The following TRIP6 variants were observed in gnomAD, a reference collection of about 807,000 sequenced individuals.
TRIP6 encodes the protein thyroid receptor-interacting protein 6.
A neutral mutation model predicts 51.9 loss-of-function variants in TRIP6; 33 were observed. That is an observed-to-expected ratio of 0.64 (90% CI 0.48 to 0.85). The LOEUF (loss-of-function observed/expected upper bound fraction) is 0.85, where lower values mean the gene tolerates loss of function less well. TRIP6 is among the 40% of genes least tolerant of loss of function. The probability of loss-of-function intolerance (pLI) is 0.00; values close to 1 mark genes in which losing one functional copy is unlikely to be tolerated. For synonymous variants in TRIP6, 255 were observed against 275.8 expected (o/e 0.92, Z 0.75); for missense variants, 661 against 652.1 (o/e 1.01, Z -0.15).
chr7:100,872,569 T>C, intron 7 of TRIP6, 55 bp from the exon 8 acceptor site: 1 of 1,606,570 alleles, frequency 6.2e-7, no homozygotes, highest in East Asian at 2.2e-5. Context: ...GGTTCCATTG[T>C]TGGTGCCCTG....
chr7:100,867,992 A>G lies in TRIP6; in HGVS notation c.237+4A>G, dbSNP rs757582812. On this transcript the variant is annotated splice_donor_region_variant and intron_variant, in intron 2 of 8. Transcript: ENST00000200457. This position sits in a 1 kb window ranked among gnomAD's most constrained non-coding sequence, Gnocchi z 5.4. Reference sequence around the variant, plus strand: ...TGGAGTACTCCAGCACACGCAGGTGAGACCCGGGATCGTGGGGTGGGACAT... The same window carrying G: ...TGGAGTACTCCAGCACACGCAGGTGGGACCCGGGATCGTGGGGTGGGACAT... 2.2e-5 allele frequency: 34 copies of G among 1,514,326 alleles called. No individual in the cohort carries two copies. The highest frequency in any genetic ancestry group is 2.3e-5 in the Admixed American group (1 of 43,864). 93.8% of individuals were successfully genotyped at this position (1,514,326 alleles called of 1,614,324 possible).
chr7:100,873,391 G>C lies in TRIP6; in HGVS notation c.*88G>C. 1 of 1,490,724 alleles carries C rather than the reference G, an allele frequency of 6.7e-7. No homozygotes were observed. Among genetic ancestry groups the C allele is most frequent in the Admixed American group, 2.1e-5 (1 of 46,546 alleles). 92.3% of individuals were successfully genotyped at this position (1,490,724 alleles called of 1,614,324 possible). A position where few individuals can be genotyped will look rare whatever the true frequency, so the allele number is the denominator to read the frequency against. On this transcript the variant is annotated 3_prime_UTR_variant, in exon 9 of 9. Coordinates refer to ENST00000200457, the MANE Select transcript of TRIP6 (RefSeq NM_003302.3). Reference sequence around the variant, plus strand: ...CCCTGACATCCACCTGTATGACTTTGTCACCAAATGCTGTCTTCTCTTTCT... The same window carrying C: ...CCCTGACATCCACCTGTATGACTTTCTCACCAAATGCTGTCTTCTCTTTCT...
intron 7 of TRIP6, 82 bp from the exon 8 acceptor site, chr7:100,872,542 G>A (rs1035420669): frequency 5.1e-6 from 8 of 1,581,410 alleles, no homozygotes; most frequent in Non-Finnish European, 6.9e-6. Context: ...ATTCCCTCCT[G>A]TGCCCCACCT....
At chr7:100,869,147 A>G (rs1229642574) in intron 4 of TRIP6, among the ~76,000 whole-genome samples, 2 of 151,486 alleles carry the variant, frequency 1.3e-5, no homozygotes, top group African/African-American at 4.8e-5. Context: ...GGGTTTCACT[A>G]AAACCCCAGT....
At position 100,867,507 on chromosome 7, in the gene TRIP6, C is replaced by T; in HGVS notation, c.10C>T (p.Pro4Ser). ...TCCCCCTTTCCAGGCCATGTCGGGG[C>T]CCACCTGGCTGCCCCCGAAGCAGCC... is the stretch of plus-strand genomic sequence containing the variant. MSGPTWLPPKQPEP... is the reference protein window; with the variant it reads MSGSTWLPPKQPEP... Residue 4 changes from proline (P) to serine (S), a missense_variant, in exon 1 of 9, where the codon CCC (proline) becomes TCC (serine). Pro to Ser is a moderately conservative substitution (Grantham distance 74). Coordinates refer to ENST00000200457, the MANE Select transcript of TRIP6 (RefSeq NM_003302.3). This position sits in a 1 kb window ranked among gnomAD's most constrained non-coding sequence, Gnocchi z 5.4. 2 of 1,494,120 alleles carry T rather than the reference C, an allele frequency of 1.3e-6. No homozygotes were observed. The highest frequency in any genetic ancestry group is 2.6e-5 in the South Asian group (2 of 77,940). 92.6% of individuals were successfully genotyped at this position (1,494,120 alleles called of 1,614,324 possible).
intron 4 of TRIP6, 79 bp downstream of exon 4, chr7:100,868,945 G>A: frequency 7.1e-7 from 1 of 1,411,060 alleles, no homozygotes; most frequent in Non-Finnish European, 9.2e-7. Context: ...TGGTGTTTTA[G>A]GGGGCTTTTT....
chr7:100,868,096 C>A lies in TRIP6; in HGVS notation c.238-12C>A. 6.2e-7 allele frequency: 1 copy of A among 1,612,724 alleles called. No individual in the cohort carries two copies. Among genetic ancestry groups the A allele is most frequent in the Non-Finnish European group, 8.5e-7 (1 of 1,179,578 alleles). On this transcript the variant is annotated splice_polypyrimidine_tract_variant and intron_variant, in intron 2 of 8. Transcript: ENST00000200457. ...GTGATTTGCATTCTTCCTGCCCTGGCTCCATCCTCAGGGGCTCCCTGCAGA... is the reference window on the plus strand; with the variant it reads ...GTGATTTGCATTCTTCCTGCCCTGGATCCATCCTCAGGGGCTCCCTGCAGA...
rs767184991 is a variant in TRIP6, at chr7:100,867,531, C to A, written c.34C>A (p.Pro12Thr). The part of the protein sequence containing the change: ...SGPTWLPPKQ[P>T]EPARAPQGRA... The stretch of plus-strand genomic sequence containing the variant: ...GCCCACCTGGCTGCCCCCGAAGCAG[C>A]CGGAGCCCGCCAGAGCCCCTCAGGG... The change falls in exon 1 of 9, where the codon CCG (proline) becomes ACG (threonine). Residue 12 changes from proline to threonine, a missense_variant. Pro to Thr is a conservative substitution (Grantham distance 38). Transcript: ENST00000200457. This position sits in a 1 kb window ranked among gnomAD's most constrained non-coding sequence, Gnocchi z 5.4. The A allele has an allele frequency of 1.1e-5, 17 of 1,520,192 alleles. No individual in the cohort carries two copies. The African/African-American group carries it at 2.4e-4, about 21-fold the overall frequency. 94.2% of individuals were successfully genotyped at this position (1,520,192 alleles called of 1,614,324 possible).
rs1439008876 is a variant in TRIP6, at chr7:100,872,656, G to A, written c.1211G>A (p.Gly404Glu). The change falls in exon 8 of 9, where the codon GGG (glycine) becomes GAG (glutamate). Residue 404 changes from glycine (G) to glutamate (E), a missense_variant. Physicochemically the swap from Gly to Glu is moderately conservative, Grantham distance 98. Transcript: ENST00000200457. ...KFAPRCSVCG[G>E]AIMPEPGQEE... ...GCCCCAAGATGCTCAGTGTGCGGTG[G>A]GGCCATAATGCCTGAGCCAGGTCAG... 1 of 1,613,958 alleles carries A rather than the reference G, an allele frequency of 6.2e-7. No homozygotes were observed. Among genetic ancestry groups the A allele is most frequent in the Non-Finnish European group, 8.5e-7 (1 of 1,179,996 alleles).
rs903851962 is a variant in TRIP6, at chr7:100,873,448, C to T, written c.*145C>T. ...AAGAAATAATAATCCCTCGAGTTTA[C>T]AAAACACTTCCAAGTCTGTTGTCTC... On this transcript the variant is annotated 3_prime_UTR_variant, in exon 9 of 9. Transcript: ENST00000200457. The T allele has an allele frequency of 1.2e-4, 144 of 1,249,096 alleles. No individual in the cohort carries two copies. Among genetic ancestry groups the T allele is most frequent in the Non-Finnish European group, 1.5e-4 (136 of 930,448 alleles). 77.4% of individuals were successfully genotyped at this position (1,249,096 alleles called of 1,614,324 possible). A position where few individuals can be genotyped will look rare whatever the true frequency, so the allele number is the denominator to read the frequency against.
chr7:100,868,017 T>C (rs982352009), intron 2 of TRIP6, 29 bp downstream of exon 2: 2 of 1,519,726 alleles, frequency 1.3e-6, no homozygotes, highest in Non-Finnish European at 1.8e-6. Context: ...GGGTGGGACA[T>C]GTGGGATCCC....
chr7:100,872,161 C>T (rs1263084471), intron 7 of TRIP6, among the ~76,000 whole-genome samples: 5 of 149,964 alleles, frequency 3.3e-5, no homozygotes, highest in African/African-American at 1.2e-4. Context: ...ATTACGGGCG[C>T]ATGCCACCAC....
Position 100,873,377 on chromosome 7 carries a change from A to T in TRIP6, c.*74A>T. The T allele has an allele frequency of 6.6e-7, 1 of 1,517,650 alleles. No individual in the cohort carries two copies. The allele number at this position is 1,517,650 out of a possible 1,614,324, so 94.0% of individuals were successfully genotyped here. On this transcript the variant is annotated 3_prime_UTR_variant, in exon 9 of 9. Transcript: ENST00000200457. Reference sequence around the variant, plus strand: ...TGATTGATCACTCTCCCTGACATCCACCTGTATGACTTTGTCACCAAATGC... The same window carrying T: ...TGATTGATCACTCTCCCTGACATCCTCCTGTATGACTTTGTCACCAAATGC...
rs1442379062 is a variant in TRIP6 at position 100,870,431 on chromosome 7, A to T, written c.797A>T (p.Asp266Val). 3 of 1,613,266 alleles carry T rather than the reference A, an allele frequency of 1.9e-6. No individual in the cohort carries two copies. Among genetic ancestry groups the T allele is most frequent in the Non-Finnish European group, 2.5e-6 (3 of 1,179,960 alleles). The change falls in exon 5 of 9, where the codon GAC becomes GTC. Residue 266 changes from aspartate (D) to valine (V), a missense_variant. Asp to Val is a radical substitution (Grantham distance 152). Coordinates refer to ENST00000200457, the MANE Select transcript of TRIP6 (RefSeq NM_003302.3). ...AGGCTGACGAAGAAGCTGGTTCACG[A>T]CATGAACCACCCGCCCAGCGGGGAG... ...LDRLTKKLVH[D>V]MNHPPSGEYF...
Position 100,868,552 on chromosome 7 carries a change from G to C in TRIP6, c.421G>C (p.Ala141Pro). Residue 141 changes from alanine to proline, a missense_variant, in exon 4 of 9, where the codon GCC becomes CCC. By Grantham distance (27) the Ala-to-Pro change is conservative. Coordinates refer to ENST00000200457, the MANE Select transcript of TRIP6 (RefSeq NM_003302.3). ...YRTGSLKPNP[A>P]SPLPASPYGG... Reference sequence around the variant, plus strand: ...CACGGGCTCCCTGAAGCCAAATCCAGCCTCGCCGCTCCCAGCGTCTCCCTA... The same window carrying C: ...CACGGGCTCCCTGAAGCCAAATCCACCCTCGCCGCTCCCAGCGTCTCCCTA... 1 of 1,613,044 alleles carries C rather than the reference G, an allele frequency of 6.2e-7. No homozygotes were observed. The highest frequency in any genetic ancestry group is 8.5e-7 in the Non-Finnish European group (1 of 1,180,014).
chr7:100,868,931 C>T (rs1013193691), intron 4 of TRIP6, 65 bp downstream of exon 4: 8 of 1,431,028 alleles, frequency 5.6e-6, no homozygotes, highest in Middle Eastern at 2.7e-4. Context: ...GGTGGGGTGG[C>T]TGGTGGTGTT....
intron 7 of TRIP6, 81 bp downstream of exon 7, chr7:100,871,802 T>C (rs1815277866): frequency 6.6e-7 from 1 of 1,512,302 alleles, no homozygotes; most frequent in Non-Finnish European, 8.9e-7. Flanking sequence ...GGACTGTCTC[T>C]TCCTGTTTCC....
chr7:100,869,952 T>C (rs938149446), intron 4 of TRIP6, among the ~76,000 whole-genome samples: 8 of 151,914 alleles, frequency 5.3e-5, no homozygotes, highest in African/African-American at 1.7e-4. Context: ...TATATTACAA[T>C]GTAATATATA....
chr7:100,868,771 A>T lies in TRIP6; in HGVS notation c.640A>T (p.Arg214Trp), dbSNP rs565506039. The T allele has an allele frequency of 7.8e-6, 12 of 1,533,496 alleles. No individual in the cohort carries two copies. Among genetic ancestry groups the T allele is most frequent in the Non-Finnish European group, 1.0e-5 (12 of 1,144,964 alleles). The allele number at this position is 1,533,496 out of a possible 1,614,324, so 95.0% of individuals were successfully genotyped here. A position where few individuals can be genotyped will look rare whatever the true frequency, so the allele number is the denominator to read the frequency against. ...GRGEVWGPGY[R>W]SQREPGPGAK... Reference sequence around the variant, plus strand: ...AGGTGAAGTCTGGGGGCCTGGCTATAGGAGCCAGAGAGAGCCAGGGCCAGG... The same window carrying T: ...AGGTGAAGTCTGGGGGCCTGGCTATTGGAGCCAGAGAGAGCCAGGGCCAGG... The change falls in exon 4 of 9, where the codon AGG (arginine) becomes TGG (tryptophan). Residue 214 changes from arginine to tryptophan, a missense_variant. Transcript: ENST00000200457.
Sources: gnomAD v4.1 joint callset for allele counts (sites outside exome capture counted in the v4.1 genomes callset) on GRCh38, gnomAD v4.1.1 for gene constraint, Gnocchi (gnomAD v3.1) non-coding constraint, MANE v1.5 for transcripts, NCBI Gene and HGNC (gene_info 2026-07-23, HGNC 2026-07-21) for gene names.